FAT3: variants seen among roughly 807,000 people sequenced by gnomAD.
FAT3 encodes protocadherin Fat 3.
In FAT3, 95 loss-of-function variants were observed where a neutral mutation model predicts 310.2. That is an observed-to-expected ratio of 0.31 (90% CI 0.26 to 0.36). FAT3 has a LOEUF of 0.36. Among genes scored for constraint, FAT3 ranks in the 10% least tolerant of loss-of-function variants. The pLI is 1.00. For synonymous variants in FAT3, 2,314 were observed against 2,192.9 expected (o/e 1.06, Z -1.54); for missense variants, 5,408 against 5,715.6 (o/e 0.95, Z 1.74).
intron 21 of FAT3, among the ~76,000 whole-genome samples, chr11:92,862,177 G>T (rs944820147): frequency 6.6e-6 from 1 of 152,182 alleles, no homozygotes; most frequent in Non-Finnish European, 1.5e-5. Flanking sequence ...ATATCATTAT[G>T]AGAAAGTCTA....
chr11:92,600,208 A>G (rs1343818799), intron 3 of FAT3, among the ~76,000 whole-genome samples: 4 of 152,190 alleles, frequency 2.6e-5, no homozygotes, highest in Non-Finnish European at 4.4e-5. Context: ...ACTGTTGTGA[A>G]TGGAGAAGCT....
In FAT3 at chr11:92,792,900, G is replaced by T. The variant is rs372360225; in HGVS notation, c.4745G>T (p.Gly1582Val). Residue 1582 changes from glycine to valine, a missense_variant, in exon 9 of 28, where the codon GGA becomes GTA. Transcript: ENST00000525166. ...EASVFESAALGSAVLQVTALD... is the reference protein window; with the variant it reads ...EASVFESAALVSAVLQVTALD... The stretch of plus-strand genomic sequence containing the variant: ...TCTGTGTTTGAATCTGCTGCTCTGG[G>T]ATCAGCTGTTCTGCAAGTGACGGCT... The T allele has an allele frequency of 3.1e-6, 5 of 1,613,800 alleles. No individual in the cohort carries two copies. The highest frequency in any genetic ancestry group is 4.2e-6 in the Non-Finnish European group (5 of 1,179,778).
intron 1 of FAT3, among the ~76,000 whole-genome samples, chr11:92,253,143 G>C (rs1865195551): frequency 6.6e-6 from 1 of 151,930 alleles, no homozygotes; most frequent in African/African-American, 2.4e-5. Context: ...CATTGCCCAG[G>C]GTGCCTTGCA....
chr11:92,586,536 A>G (rs1469132945), intron 3 of FAT3, among the ~76,000 whole-genome samples: 5 of 152,076 alleles, frequency 3.3e-5, no homozygotes, highest in Admixed American at 2.6e-4. Flanking sequence ...ACCTCTTGCC[A>G]TTTTTCTGTG....
intron 22 of FAT3, among the ~76,000 whole-genome samples, chr11:92,870,621 G>A (rs1949361338): frequency 6.6e-6 from 1 of 152,094 alleles, no homozygotes; most frequent in Non-Finnish European, 1.5e-5. Flanking sequence ...CCCACAGTCT[G>A]AATAAGGAGT....
intron 1 of FAT3, among the ~76,000 whole-genome samples, chr11:92,346,322 G>C (rs1435069978): frequency 6.6e-6 from 1 of 152,130 alleles, no homozygotes; most frequent in South Asian, 2.1e-4. Context: ...TTAAATGCTA[G>C]CTCTAAGGAG....
At chr11:92,448,604 A>C (rs1207694652) in intron 2 of FAT3, among the ~76,000 whole-genome samples, 2 of 152,274 alleles carry the variant, frequency 1.3e-5, no homozygotes, top group African/African-American at 4.8e-5. Flanking sequence ...TTTTTAGAAA[A>C]GGTGTTTGCT....
intron 3 of FAT3, among the ~76,000 whole-genome samples, chr11:92,564,939 G>T (rs1449427484): frequency 4.2e-5 from 6 of 142,796 alleles, no homozygotes; most frequent in Middle Eastern, 3.5e-3. Flanking sequence ...AAGCAGGAAA[G>T]ATCCAAAATT....
chr11:92,760,344 T>C (rs1331326699), intron 4 of FAT3, among the ~76,000 whole-genome samples: 6 of 152,246 alleles, frequency 3.9e-5, no homozygotes, highest in Non-Finnish European at 8.8e-5. Context: ...TCCCACATTT[T>C]TGGCCTTTGT....
intron 1 of FAT3, among the ~76,000 whole-genome samples, chr11:92,290,803 G>T (rs1946670101): frequency 6.6e-6 from 1 of 151,706 alleles, no homozygotes; most frequent in Non-Finnish European, 1.5e-5. Context: ...TATTTTAAAA[G>T]AGGTATTCTG....
intron 22 of FAT3, among the ~76,000 whole-genome samples, chr11:92,871,206 T>A (rs1949382459): frequency 6.6e-6 from 1 of 152,196 alleles, no homozygotes; most frequent in Non-Finnish European, 1.5e-5. Flanking sequence ...TTGGTTTATA[T>A]TTTTTTCCTT....
At chr11:92,495,532 G>C (rs1445936956) in intron 2 of FAT3, among the ~76,000 whole-genome samples, 7 of 152,018 alleles carry the variant, frequency 4.6e-5, no homozygotes, top group African/African-American at 1.4e-4. Flanking sequence ...TGGTGTGGAG[G>C]AGAGAAGCAG....
intron 3 of FAT3, among the ~76,000 whole-genome samples, chr11:92,566,525 G>T (rs1955454106): frequency 2.7e-5 from 4 of 149,586 alleles, no homozygotes; most frequent in African/African-American, 7.6e-5. Flanking sequence ...TCACAGAATT[G>T]GAAAAAAACT....
intron 2 of FAT3, among the ~76,000 whole-genome samples, chr11:92,480,188 C>G (rs1007071068): frequency 6.6e-5 from 10 of 152,050 alleles, no homozygotes; most frequent in African/African-American, 2.2e-4. Context: ...TGGCATGAAC[C>G]CAAGAGGCAG....
chr11:92,567,726 G>T (rs574317399), intron 3 of FAT3, among the ~76,000 whole-genome samples: 16 of 152,194 alleles, frequency 1.1e-4, no homozygotes, highest in African/African-American at 3.4e-4. Flanking sequence ...ATGAGTTCAT[G>T]TTCTTTGTAG....
intron 2 of FAT3, among the ~76,000 whole-genome samples, chr11:92,415,022 A>G (rs1422056036): frequency 6.6e-6 from 1 of 151,924 alleles, no homozygotes; most frequent in African/African-American, 2.4e-5. Flanking sequence ...AAAAAAAAAA[A>G]ATTCTGAAGA....
At chr11:92,697,006 C>T (rs528886299) in intron 3 of FAT3, among the ~76,000 whole-genome samples, 3 of 152,248 alleles carry the variant, frequency 2.0e-5, no homozygotes, top group African/African-American at 7.2e-5. Flanking sequence ...ATCTAATCAG[C>T]ATAAACAACC....
chr11:92,671,657 G>A lies in FAT3; in HGVS notation c.3608-25727G>A, dbSNP rs546196656. ...TTATTGTTTCCAATCCCATATTTGT[G>A]CACTTATTTGTTTAACATGTGTCTT... On this transcript the variant is annotated intron_variant, in intron 3 of 27. Coordinates refer to ENST00000525166, the MANE Select transcript of FAT3 (RefSeq NM_001367949.2). Among the ~76,000 whole-genome samples, 73 of 152,116 alleles carry A rather than the reference G, an allele frequency of 4.8e-4. No individual in the cohort carries two copies. In the South Asian group the frequency reaches 0.014, roughly 30 times the overall value.
In FAT3 at chr11:92,609,941, A is replaced by G. The variant is rs568276072; in HGVS notation, c.3607+84993A>G. Among the ~76,000 whole-genome samples the G allele has an allele frequency of 9.8e-5, 15 of 152,336 alleles. 2 individuals carry two copies. The South Asian group carries it at 3.1e-3, about 32-fold the overall frequency. On this transcript the variant is annotated intron_variant, in intron 3 of 27. Coordinates refer to ENST00000525166, the MANE Select transcript of FAT3 (RefSeq NM_001367949.2). ...AATTAAGATTTATTTATTAAGTTTG[A>G]AACTTCGTCAATAATTCTAGAAATA...
Sources: allele counts gnomAD v4.1 joint callset (sites outside exome capture counted in the v4.1 genomes callset), GRCh38; gene constraint gnomAD v4.1.1; transcripts MANE v1.5; gene names NCBI Gene and HGNC (gene_info 2026-07-23, HGNC 2026-07-21).